SRGAP3: variants seen among roughly 807,000 people sequenced by gnomAD.
SRGAP3 encodes the protein SLIT-ROBO Rho GTPase-activating protein 3.
Under a neutral mutation model 121.1 loss-of-function variants are expected in SRGAP3, and 39 were observed. That is an observed-to-expected ratio of 0.32 (90% confidence interval 0.25 to 0.42). The LOEUF is 0.42. Among genes scored for constraint, SRGAP3 ranks in the 10% least tolerant of loss-of-function variants. The pLI is 1.00. For synonymous variants in SRGAP3, 601 were observed against 570.0 expected, an observed-to-expected ratio of 1.05 and a Z score of -0.77; for missense variants, 1,213 against 1,470.6, an observed-to-expected ratio of 0.82 and a Z score of 2.86.
intron 7 of SRGAP3, 109 bp from the exon 8 acceptor site, chr3:9,056,443 G>C (rs1945826431): frequency 8.4e-7 from 1 of 1,192,920 alleles, no homozygotes; most frequent in Non-Finnish European, 1.2e-6. Flanking sequence ...GGAAACAGGG[G>C]CTCGGAAAGG....
chr3:9,013,781 G>C lies in SRGAP3; in HGVS notation c.1875C>G (p.Arg625=). 1 of 1,614,206 alleles carries C rather than the reference G, an allele frequency of 6.2e-7. No individual in the cohort carries two copies. The highest frequency in any genetic ancestry group is 1.1e-5 in the South Asian group (1 of 91,086). ...QIQQILVTLP[R]VVIVVMRYLF... ...GGTATCTCATGACCACAATGACCAC[G>C]CGGGGAAGGGTGACGAGGATTTGTT... The change falls in exon 16 of 22, where the codon CGC becomes CGG. Residue 625 remains arginine (R), a synonymous_variant. Transcript: ENST00000383836.
At chr3:9,063,899 C>T (rs1289511755) in intron 5 of SRGAP3, among the ~76,000 whole-genome samples, 1 of 152,202 alleles carries the variant, frequency 6.6e-6, no homozygotes, top group Admixed American at 6.5e-5. Context: ...ACTCTCTCAT[C>T]TTTGAATTGG....
intron 1 of SRGAP3, among the ~76,000 whole-genome samples, chr3:9,196,462 A>G (rs564673695): frequency 6.3e-4 from 96 of 152,342 alleles, no homozygotes; most frequent in African/African-American, 2.1e-3. Flanking sequence ...GAGTAAATAC[A>G]GTATATTTGT....
intron 14 of SRGAP3, among the ~76,000 whole-genome samples, 163 bp downstream of exon 14, chr3:9,025,098 C>T (rs142912582): frequency 7.2e-5 from 11 of 152,278 alleles, no homozygotes; most frequent in African/African-American, 2.6e-4. Flanking sequence ...ATTCCAAGTA[C>T]CAGGACAAAG....
At chr3:9,233,711 T>C (rs192065005) in intron 1 of SRGAP3, among the ~76,000 whole-genome samples, 2 of 152,322 alleles carry the variant, frequency 1.3e-5, no homozygotes, top group East Asian at 3.9e-4. Context: ...TCAGTATCAG[T>C]AAATCACCCA....
chr3:9,097,412 C>A (rs1296112970), intron 3 of SRGAP3, among the ~76,000 whole-genome samples: 2 of 152,122 alleles, frequency 1.3e-5, no homozygotes, highest in Non-Finnish European at 2.9e-5. Flanking sequence ...TTGAAAATGA[C>A]AAAACTGAGA....
intron 1 of SRGAP3, among the ~76,000 whole-genome samples, chr3:9,350,417 G>A (rs1268756936): frequency 1.3e-5 from 2 of 152,178 alleles, no homozygotes; most frequent in Non-Finnish European, 2.9e-5. Flanking sequence ...TTAGGGAGGG[G>A]AATGCAAAGG....
exon 2 of SRGAP3, chr3:9,330,561 C>A: frequency 6.4e-6 from 1 of 155,992 alleles, no homozygotes. Context: ...TGGGCGTCAC[C>A]AGAAGCTCCA....
chr3:9,105,669 T>G (rs1185879172), intron 2 of SRGAP3, among the ~76,000 whole-genome samples: 1 of 152,168 alleles, frequency 6.6e-6, no homozygotes, highest in African/African-American at 2.4e-5. Context: ...ATTCGGATAC[T>G]CACTCAAGTC....
At chr3:9,167,089 C>T (rs1461203473) in intron 1 of SRGAP3, among the ~76,000 whole-genome samples, 2 of 152,184 alleles carry the variant, frequency 1.3e-5, no homozygotes, top group African/African-American at 2.4e-5. Flanking sequence ...AACCAGCAGC[C>T]TTGAGAGACA....
At chr3:9,197,641 A>G (rs1057294288) in intron 1 of SRGAP3, among the ~76,000 whole-genome samples, 3 of 152,210 alleles carry the variant, frequency 2.0e-5, no homozygotes, top group Admixed American at 6.5e-5. Flanking sequence ...TAACTTGTCT[A>G]TAGTTGTGAG....
intron 3 of SRGAP3, among the ~76,000 whole-genome samples, chr3:9,101,585 G>C (rs75479197): frequency 1.3e-5 from 2 of 152,214 alleles, no homozygotes; most frequent in Non-Finnish European, 2.9e-5. Context: ...GACTGTAAAA[G>C]AGCCCCTCGC....
intron 1 of SRGAP3, among the ~76,000 whole-genome samples, chr3:9,191,707 C>T (rs1320602843): frequency 6.6e-6 from 1 of 152,192 alleles, no homozygotes; most frequent in African/African-American, 2.4e-5. Flanking sequence ...GGATGGGTGT[C>T]CCCGTTCAAA....
chr3:9,089,087 C>CA (rs1947627409), intron 3 of SRGAP3, among the ~76,000 whole-genome samples: 1 of 152,060 alleles, frequency 6.6e-6, no homozygotes, highest in South Asian at 2.1e-4. Context: ...TATATACCAG[C>CA]CTAAACTAGG....
intron 3 of SRGAP3, among the ~76,000 whole-genome samples, chr3:9,262,908 C>G (rs1404354180): frequency 6.6e-6 from 1 of 152,200 alleles, no homozygotes; most frequent in Non-Finnish European, 1.5e-5. Context: ...CCCAAATCAA[C>G]AGAGTATACA....
chr3:9,334,244 C>G (rs1955654006), intron 1 of SRGAP3, among the ~76,000 whole-genome samples: 1 of 151,976 alleles, frequency 6.6e-6, no homozygotes, highest in East Asian at 1.9e-4. Flanking sequence ...TTGAACGTAT[C>G]TTGCAACTGT....
chr3:9,018,369 C>A (rs1943742090), intron 14 of SRGAP3, among the ~76,000 whole-genome samples: 1 of 152,070 alleles, frequency 6.6e-6, no homozygotes, highest in Non-Finnish European at 1.5e-5. Context: ...AGATAAATAC[C>A]CAGTAGTGGG....
At chr3:9,312,393 G>A (rs1289500773) in intron 3 of SRGAP3, among the ~76,000 whole-genome samples, 5 of 152,322 alleles carry the variant, frequency 3.3e-5, no homozygotes, top group Admixed American at 2.6e-4. Context: ...CTGACCTCAA[G>A]TGATCTGCCC....
chr3:9,244,149 T>A (rs1241131916), intron 1 of SRGAP3, among the ~76,000 whole-genome samples: 1 of 152,246 alleles, frequency 6.6e-6, no homozygotes, highest in Admixed American at 6.5e-5. Context: ...GCTCTAAGAT[T>A]CAGTTCGTTC....
Sources: allele counts gnomAD v4.1 joint callset (sites outside exome capture counted in the v4.1 genomes callset), GRCh38; gene constraint gnomAD v4.1.1; transcripts MANE v1.5; gene names NCBI Gene and HGNC (gene_info 2026-07-23, HGNC 2026-07-21).